Variants in SLX4IP observed in about 807,000 individuals in gnomAD.
The protein encoded by SLX4IP is SLX4 interacting protein.
In SLX4IP, 34 loss-of-function variants were observed where a neutral mutation model predicts 32.9. The observed-to-expected ratio is 1.03, with a 90% CI of 0.79 to 1.38. The LOEUF is 1.38. SLX4IP is among the 40% of genes most tolerant of loss of function. The probability of loss-of-function intolerance (pLI) is 0.00; values close to 1 mark genes in which losing one functional copy is unlikely to be tolerated. For synonymous variants in SLX4IP, 172 were observed against 171.7 expected, an observed-to-expected ratio of 1.00 and a Z score of -0.01; for missense variants, 444 against 479.0, an observed-to-expected ratio of 0.93 and a Z score of 0.68.
intron 1 of SLX4IP, among the ~76,000 whole-genome samples, chr20:10,451,756 C>T (rs1284995923): frequency 6.6e-6 from 1 of 151,720 alleles, no homozygotes; most frequent in African/African-American, 2.4e-5. Context: ...ATCATGAGGT[C>T]AGGAGTTCGA....
At chr20:10,566,224 T>G (rs1032192480) in intron 4 of SLX4IP, among the ~76,000 whole-genome samples, 8 of 149,184 alleles carry the variant, frequency 5.4e-5, no homozygotes, top group Admixed American at 5.3e-4. Flanking sequence ...TTGATGAGAT[T>G]GCCATTGTTT....
At chr20:10,460,113 G>A (rs536712455) in intron 2 of SLX4IP, among the ~76,000 whole-genome samples, 1 of 152,254 alleles carries the variant, frequency 6.6e-6, no homozygotes, top group Non-Finnish European at 1.5e-5. Context: ...AGGCATGTAA[G>A]TGATGAACTT....
chr20:10,581,025 CT>C (rs77562993), intron 4 of SLX4IP, among the ~76,000 whole-genome samples: 11,313 of 151,516 alleles, frequency 0.075, 640 homozygotes, highest in South Asian at 0.24. Flanking sequence ...TCTAAGGAAT[CT>C]TTTTTTTTCT....
rs541970262 is a variant in SLX4IP at position 10,559,059 on chromosome 20, T to C, written c.118-1641T>C. On this transcript the variant is annotated intron_variant, in intron 3 of 7. Coordinates refer to ENST00000334534, the MANE Select transcript of SLX4IP (RefSeq NM_001009608.3). ...AGCAATCCTTGTTTCCATGTATGTCTTTCACATATTTTCTAGCCCAGTCAT... is the reference window on the plus strand; with the variant it reads ...AGCAATCCTTGTTTCCATGTATGTCCTTCACATATTTTCTAGCCCAGTCAT... Among the ~76,000 whole-genome samples, 13 of 152,242 alleles carry C rather than the reference T, an allele frequency of 8.5e-5. No homozygotes were observed. In the East Asian group the frequency reaches 1.9e-3, roughly 23 times the overall value.
intron 2 of SLX4IP, among the ~76,000 whole-genome samples, chr20:10,518,221 A>G (rs1468134015): frequency 1.3e-5 from 2 of 152,210 alleles, no homozygotes; most frequent in African/African-American, 4.8e-5. Context: ...TTCTGTTAGG[A>G]AGATATACTT....
At chr20:10,490,149 G>A (rs2065610210) in intron 2 of SLX4IP, among the ~76,000 whole-genome samples, 1 of 150,942 alleles carries the variant, frequency 6.6e-6, no homozygotes, top group African/African-American at 2.4e-5. Context: ...TAAAGAACAT[G>A]TTTCAAAAGG....
At chr20:10,437,351 A>G (rs572972477) in intron 1 of SLX4IP, among the ~76,000 whole-genome samples, 1 of 152,284 alleles carries the variant, frequency 6.6e-6, no homozygotes, top group South Asian at 2.1e-4. Context: ...GCTGCACGTA[A>G]CAATCACCTG....
intron 1 of SLX4IP, among the ~76,000 whole-genome samples, chr20:10,453,067 A>G (rs1292472459): frequency 6.6e-6 from 1 of 152,072 alleles, no homozygotes; most frequent in East Asian, 1.9e-4. Flanking sequence ...ATACACACAC[A>G]TTCCCTATTT....
intron 2 of SLX4IP, among the ~76,000 whole-genome samples, chr20:10,535,575 C>G (rs1383356161): frequency 6.6e-6 from 1 of 152,166 alleles, no homozygotes; most frequent in African/African-American, 2.4e-5. Flanking sequence ...ACCTCCTCGG[C>G]CTCCCAAAGT....
chr20:10,578,056 C>T (rs556642619), intron 4 of SLX4IP, among the ~76,000 whole-genome samples: 6 of 152,138 alleles, frequency 3.9e-5, no homozygotes, highest in Non-Finnish European at 7.4e-5. Flanking sequence ...AAGAATACTT[C>T]TCATTTTTTT....
At chr20:10,487,463 G>A (rs561092422) in intron 2 of SLX4IP, among the ~76,000 whole-genome samples, 1 of 152,262 alleles carries the variant, frequency 6.6e-6, no homozygotes, top group South Asian at 2.1e-4. Flanking sequence ...TCAGACTCAG[G>A]CATACTTAGG....
At chr20:10,462,950 G>A (rs1234120640) in intron 2 of SLX4IP, among the ~76,000 whole-genome samples, 2 of 152,186 alleles carry the variant, frequency 1.3e-5, no homozygotes, top group Non-Finnish European at 2.9e-5. Flanking sequence ...TGGATGTGAT[G>A]GCATATGCCT....
intron 2 of SLX4IP, among the ~76,000 whole-genome samples, chr20:10,467,780 G>T (rs530213915): frequency 6.6e-6 from 1 of 152,290 alleles, no homozygotes; most frequent in South Asian, 2.1e-4. Flanking sequence ...AGAGCTTTTA[G>T]ATACCTTCTC....
intron 2 of SLX4IP, among the ~76,000 whole-genome samples, chr20:10,474,576 G>T (rs974786423): frequency 6.6e-6 from 1 of 150,996 alleles, no homozygotes; most frequent in African/African-American, 2.4e-5. Flanking sequence ...TTTTTCCCCC[G>T]CTCCCATTTG....
intron 2 of SLX4IP, among the ~76,000 whole-genome samples, chr20:10,467,771 G>GCT (rs1163474312): frequency 1.3e-5 from 2 of 152,174 alleles, no homozygotes; most frequent in African/African-American, 4.8e-5. Flanking sequence ...CTCAGGCTTA[G>GCT]AGCTTTTAGA....
chr20:10,513,537 A>G (rs180775422), intron 2 of SLX4IP, among the ~76,000 whole-genome samples: 120 of 152,360 alleles, frequency 7.9e-4, no homozygotes, highest in African/African-American at 2.7e-3. Context: ...TTTCATTACA[A>G]AATCCTTAGG....
intron 4 of SLX4IP, among the ~76,000 whole-genome samples, chr20:10,580,133 T>C (rs930138046): frequency 6.6e-6 from 1 of 152,200 alleles, no homozygotes; most frequent in Non-Finnish European, 1.5e-5. Context: ...CACCAGTATT[T>C]GCAAGGTATG....
chr20:10,519,283 G>T (rs1355117255), intron 2 of SLX4IP, among the ~76,000 whole-genome samples: 1 of 152,074 alleles, frequency 6.6e-6, no homozygotes, highest in Non-Finnish European at 1.5e-5. Flanking sequence ...TCACAGAGTT[G>T]TGCAGCCATT....
At chr20:10,572,509 A>G (rs1157511595) in intron 4 of SLX4IP, among the ~76,000 whole-genome samples, 1 of 152,160 alleles carries the variant, frequency 6.6e-6, no homozygotes, top group Non-Finnish European at 1.5e-5. Flanking sequence ...TTCCAGCTGT[A>G]AGCACTTGCC....
Sources: gnomAD v4.1 joint callset for allele counts (sites outside exome capture counted in the v4.1 genomes callset) on GRCh38, gnomAD v4.1.1 for gene constraint, MANE v1.5 for transcripts, NCBI Gene and HGNC (gene_info 2026-07-23, HGNC 2026-07-21) for gene names.